Variants in HMCN2 observed in about 807,000 individuals in gnomAD.
HMCN2 encodes hemicentin 2.
A neutral mutation model predicts 377.5 loss-of-function variants in HMCN2; 325 were observed. The ratio of observed to expected loss-of-function variants is 0.86; its 90% CI spans 0.79 to 0.94. The LOEUF (loss-of-function observed/expected upper bound fraction) is 0.94, where lower values mean the gene tolerates loss of function less well. Among genes scored for constraint, HMCN2 ranks in the 40% least tolerant of loss-of-function variants. HMCN2 has a pLI of 0.00. For missense variants in HMCN2, 4,543 were observed against 4,725.3 expected (o/e 0.96, Z 1.13); for synonymous variants, 2,007 against 2,046.8 (o/e 0.98, Z 0.53).
chr9:130,380,041 A>C (rs1293113644), intron 54 of HMCN2, among the ~76,000 whole-genome samples: 1 of 151,912 alleles, frequency 6.6e-6, no homozygotes, highest in African/African-American at 2.4e-5. Context: ...ACGCCTGGCT[A>C]CTTTTTGTAT....
chr9:130,394,120 C>A lies in HMCN2; in HGVS notation c.10501+112C>A. On this transcript the variant is annotated intron_variant, in intron 68 of 97. Coordinates refer to ENST00000683500, the MANE Select transcript of HMCN2 (RefSeq NM_001291815.2). The surrounding 1 kb of genome is among the most constrained non-coding windows in gnomAD (Gnocchi z 5.1). ...TGAGTCCCCTGGAGACCTGGGACTG[C>A]CACCTGGGAGCAGAACTCAGGGAAC... 5 of 1,002,880 alleles carry A rather than the reference C, an allele frequency of 5.0e-6. No homozygotes were observed. Among genetic ancestry groups the A allele is most frequent in the South Asian group, 3.3e-5 (2 of 60,554 alleles). 62.1% of individuals were successfully genotyped at this position (1,002,880 alleles called of 1,614,324 possible). A position where few individuals can be genotyped will look rare whatever the true frequency, so the allele number is the denominator to read the frequency against.
At chr9:130,314,330 G>A (rs1212570632) in intron 15 of HMCN2, among the ~76,000 whole-genome samples, 1 of 152,262 alleles carries the variant, frequency 6.6e-6, no homozygotes, top group African/African-American at 2.4e-5. Context: ...CCCTGCACTT[G>A]TAGGGGTCCA....
chr9:130,301,346 A>G (rs2131334803), intron 8 of HMCN2, among the ~76,000 whole-genome samples: 1 of 152,360 alleles, frequency 6.6e-6, no homozygotes, highest in Non-Finnish European at 1.5e-5. Flanking sequence ...GATGGATCCA[A>G]GAGTTTGGAG....
Position 130,351,573 on chromosome 9 carries a change from T to A in HMCN2, c.4581T>A (p.Val1527=), listed in dbSNP as rs927449742. The A allele has an allele frequency of 7.7e-7, 1 of 1,302,410 alleles. No homozygotes were observed. Among genetic ancestry groups the A allele is most frequent in the South Asian group, 1.2e-5 (1 of 80,814 alleles). The allele number at this position is 1,302,410 out of a possible 1,614,324, so 80.7% of individuals were successfully genotyped here. ...AGGCCAGGGACTTCCAGCTCCGAGT[T>A]CATGGTGAGCCCCCACGCCTTCTGG... is the stretch of plus-strand genomic sequence containing the variant. ...GQQARDFQLR[V]HAPPTIWGSN... The change falls in exon 30 of 98, where the codon GTT becomes GTA. Residue 1527 remains valine, a synonymous_variant. Coordinates refer to ENST00000683500, the MANE Select transcript of HMCN2 (RefSeq NM_001291815.2). The surrounding 1 kb of genome is among the most constrained non-coding windows in gnomAD (Gnocchi z 5.4).
rs1554935631 is a variant in HMCN2 at position 130,304,091 on chromosome 9, T to C, written c.1543+483T>C. On this transcript the variant is annotated intron_variant, in intron 10 of 97. Coordinates refer to ENST00000683500, the MANE Select transcript of HMCN2 (RefSeq NM_001291815.2). This position sits in a 1 kb window ranked among gnomAD's most constrained non-coding sequence, Gnocchi z 4.3. ...GCGTGGAAAGATCAGCCACTCTACA[T>C]AGACAGCCAGAAACTACACATGCTC... 2.0e-5 allele frequency among the ~76,000 whole-genome samples: 3 copies of C among 152,224 alleles called. No homozygotes were observed. The highest frequency in any genetic ancestry group is 4.8e-5 in the African/African-American group (2 of 41,462).
At chr9:130,330,524 C>T (rs939182825) in intron 22 of HMCN2, among the ~76,000 whole-genome samples, 2 of 152,136 alleles carry the variant, frequency 1.3e-5, no homozygotes, top group East Asian at 1.9e-4. Context: ...TGCACAGACA[C>T]GCAGACACAC....
chr9:130,306,305 C>G (rs1376980037), intron 12 of HMCN2, 35 bp downstream of exon 12: 1 of 468,522 alleles, frequency 2.1e-6, no homozygotes, highest in Non-Finnish European at 4.4e-6. Flanking sequence ...CAGGGACTCA[C>G]AGCAGGTGGA....
At chr9:130,313,032 C>T (rs1837350878) in intron 15 of HMCN2, among the ~76,000 whole-genome samples, 1 of 152,168 alleles carries the variant, frequency 6.6e-6, no homozygotes, top group African/African-American at 2.4e-5. Context: ...TGCTGTTGAC[C>T]TTGGAGCCAT....
intron 46 of HMCN2, 81 bp downstream of exon 46, chr9:130,371,212 C>T (rs1588331047): frequency 1.2e-6 from 1 of 809,078 alleles, no homozygotes. Flanking sequence ...TGCCCATGAC[C>T]TCTGACTCTG....
chr9:130,400,828 T>C lies in HMCN2; in HGVS notation c.11651T>C (p.Met3884Thr), dbSNP rs1842827907. Reference protein sequence around the residue: ...ADDQTDFTVTMMAPVVLTCHS... With the variant: ...ADDQTDFTVTTMAPVVLTCHS... ...GACCAGACAGACTTCACCGTGACCA[T>C]GATGGCACCTGTGGTCCTCACATGT... is the stretch of plus-strand genomic sequence containing the variant. Residue 3884 changes from methionine to threonine, a missense_variant, in exon 77 of 98, where the codon ATG (methionine) becomes ACG (threonine). Physicochemically the swap from Met to Thr is moderately conservative, Grantham distance 81. This residue lies in a region of HMCN2 where 1,073 missense variants were observed against 1,319.5 expected (regional missense o/e 0.81). Transcript: ENST00000683500. The C allele has an allele frequency of 3.1e-6, 4 of 1,289,294 alleles. No homozygotes were observed. Among genetic ancestry groups the C allele is most frequent in the African/African-American group, 3.0e-5 (2 of 65,816 alleles). The allele number at this position is 1,289,294 out of a possible 1,614,324, so 79.9% of individuals were successfully genotyped here. A position where few individuals can be genotyped will look rare whatever the true frequency, so the allele number is the denominator to read the frequency against.
At position 130,308,361 on chromosome 9, in the gene HMCN2, G is replaced by A. The variant is rs1837012992; in HGVS notation, c.2200+795G>A. ...ATTATCTGAAAATGACAGCAATAAT[G>A]ACAGGGTTGTCCTGAGGCCCTGAGG... On this transcript the variant is annotated intron_variant, in intron 14 of 97. Coordinates refer to ENST00000683500, the MANE Select transcript of HMCN2 (RefSeq NM_001291815.2). This position sits in a 1 kb window ranked among gnomAD's most constrained non-coding sequence, Gnocchi z 4.1. 6.6e-6 allele frequency among the ~76,000 whole-genome samples: 1 copy of A among 152,326 alleles called. No individual in the cohort carries two copies. Among genetic ancestry groups the A allele is most frequent in the Admixed American group, 6.5e-5 (1 of 15,306 alleles).
chr9:130,308,236 C>T lies in HMCN2; in HGVS notation c.2200+670C>T, dbSNP rs1006659155. On this transcript the variant is annotated intron_variant, in intron 14 of 97. Transcript: ENST00000683500. The surrounding 1 kb of genome is among the most constrained non-coding windows in gnomAD (Gnocchi z 4.1). ...CTTCCCAAAGTGCTGGGATGACAGG[C>T]GTGAGCCACTGTGCCTGGCCATATG... Among the ~76,000 whole-genome samples the T allele has an allele frequency of 6.6e-6, 1 of 152,312 alleles. No homozygotes were observed. Among genetic ancestry groups the T allele is most frequent in the African/African-American group, 2.4e-5 (1 of 41,568 alleles).
intron 18 of HMCN2, 92 bp downstream of exon 18, chr9:130,320,995 T>G (rs1405533819): frequency 1.3e-5 from 2 of 152,276 alleles, no homozygotes; most frequent in Non-Finnish European, 2.9e-5. Context: ...GCTTGGCTGT[T>G]TCCCCGCCTG....
At chr9:130,306,643 C>T (rs1312687932) in intron 12 of HMCN2, among the ~76,000 whole-genome samples, 168 bp from the exon 13 acceptor site, 2 of 151,228 alleles carry the variant, frequency 1.3e-5, no homozygotes, top group African/African-American at 4.9e-5. Context: ...CATCTTACCT[C>T]TCTGAGCCTC....
At chr9:130,342,475 G>A (rs1271465098) in intron 25 of HMCN2, 39 bp downstream of exon 25, 1 of 152,224 alleles carries the variant, frequency 6.6e-6, no homozygotes, top group Non-Finnish European at 1.5e-5. Flanking sequence ...GAGGTGGGGT[G>A]GGCTGGCTTG....
intron 8 of HMCN2, among the ~76,000 whole-genome samples, chr9:130,301,206 A>G (rs1404229666): frequency 6.6e-6 from 1 of 152,240 alleles, no homozygotes; most frequent in African/African-American, 2.4e-5. Context: ...CCAGCCTCCC[A>G]GCTTCCACTC....
chr9:130,298,303 T>C (rs1836282372), intron 7 of HMCN2, among the ~76,000 whole-genome samples: 1 of 152,072 alleles, frequency 6.6e-6, no homozygotes, highest in African/African-American at 2.4e-5. Context: ...GGTAGGAGGA[T>C]TGCTTGAGGC....
At position 130,308,906 on chromosome 9, in the gene HMCN2, C is replaced by G. The variant is rs1479823869; in HGVS notation, c.2201-1006C>G. 2.0e-5 allele frequency among the ~76,000 whole-genome samples: 3 copies of G among 152,122 alleles called. No individual in the cohort carries two copies. Among genetic ancestry groups the G allele is most frequent in the Non-Finnish European group, 4.4e-5 (3 of 68,028 alleles). ...CCTAGAGATGTCAAATTCATAGAGACGAAAAGATGGAGTGGTGTTCGCCAG... is the reference window on the plus strand; with the variant it reads ...CCTAGAGATGTCAAATTCATAGAGAGGAAAAGATGGAGTGGTGTTCGCCAG... On this transcript the variant is annotated intron_variant, in intron 14 of 97. Transcript: ENST00000683500. The surrounding 1 kb of genome is among the most constrained non-coding windows in gnomAD (Gnocchi z 4.1).
At chr9:130,296,992 C>A (rs541564948) in intron 7 of HMCN2, among the ~76,000 whole-genome samples, 198 bp downstream of exon 7, 103 of 152,328 alleles carry the variant, frequency 6.8e-4, no homozygotes, top group Non-Finnish European at 1.2e-3. Context: ...ATTCTTTCCA[C>A]TAGCCCCAGC....
Sources: gnomAD v4.1 joint callset for allele counts (sites outside exome capture counted in the v4.1 genomes callset) on GRCh38, gnomAD v4.1.1 for gene constraint, gnomAD v4.1.1 regional missense constraint, Gnocchi (gnomAD v3.1) non-coding constraint, MANE v1.5 for transcripts, NCBI Gene and HGNC (gene_info 2026-07-23, HGNC 2026-07-21) for gene names.